Variants in OVCH1 observed in about 807,000 individuals in gnomAD.
OVCH1 encodes ovochymase-1.
In OVCH1, 139 loss-of-function variants were observed where a neutral mutation model predicts 138.4. The observed-to-expected ratio is 1.00, with a 90% CI of 0.87 to 1.16. The LOEUF is 1.16. OVCH1 is among the 50% of genes most tolerant of loss of function. The probability of loss-of-function intolerance (pLI) is 0.00; values close to 1 mark genes in which losing one functional copy is unlikely to be tolerated. For synonymous variants in OVCH1, 453 were observed against 467.8 expected, an observed-to-expected ratio of 0.97 and a Z score of 0.41; for missense variants, 1,367 against 1,357.9, an observed-to-expected ratio of 1.01 and a Z score of -0.11.
At position 29,460,516 on chromosome 12, in the gene OVCH1, C is replaced by T. The variant is rs1009128889; in HGVS notation, c.2280+1338G>A. On this transcript the variant is annotated intron_variant, in intron 19 of 27. Coordinates refer to ENST00000318184, the Ensembl canonical transcript of OVCH1. ...CTGGGGTCTTCCCCACTCTCCACTA[C>T]ACCCAGGAGGCAACCCTAAAGTATC... Among the ~76,000 whole-genome samples, 5 of 152,152 alleles carry T rather than the reference C, an allele frequency of 3.3e-5. No homozygotes were observed. The East Asian group carries it at 9.6e-4, about 29-fold the overall frequency.
At chr12:29,462,129 G>A in intron 18 of OVCH1, 121 bp from the exon 19 acceptor site, 1 of 1,084,588 alleles carries the variant, frequency 9.2e-7, no homozygotes, top group South Asian at 1.8e-5. Flanking sequence ...AGTTTGGCCT[G>A]AGCTGATGTA....
At chr12:29,443,609 A>T (rs181424051) in intron 24 of OVCH1, 109 bp from the exon 25 acceptor site, 1 of 1,095,210 alleles carries the variant, frequency 9.1e-7, no homozygotes, top group African/African-American at 1.6e-5. Flanking sequence ...AGTGAGCCTT[A>T]TTTTTTGTGT....
At chr12:29,471,906 G>A (rs1942523184) in exon 16 of OVCH1, 10 of 1,613,442 alleles carry the variant, frequency 6.2e-6, no homozygotes, top group Non-Finnish European at 8.5e-6. Flanking sequence ...ATGGCCAACA[G>A]TGGGGGCAGG....
Position 29,484,710 on chromosome 12 carries a change from T to C in OVCH1, c.995+1536A>G, listed in dbSNP as rs1943039430. Among the ~76,000 whole-genome samples the C allele has an allele frequency of 6.6e-6, 1 of 152,126 alleles. No homozygotes were observed. The highest frequency in any genetic ancestry group is 2.4e-5 in the African/African-American group (1 of 41,398). On this transcript the variant is annotated intron_variant, in intron 8 of 27. Transcript: ENST00000318184. ...AGAAATCATTCCTATGTAGTATACATACCAATTATGAGAATAGTAGTCTCC... is the reference window on the plus strand; with the variant it reads ...AGAAATCATTCCTATGTAGTATACACACCAATTATGAGAATAGTAGTCTCC...
intron 16 of OVCH1, 90 bp from the exon 17 acceptor site, chr12:29,465,309 A>T: frequency 1.8e-6 from 2 of 1,087,182 alleles, no homozygotes; most frequent in Non-Finnish European, 2.6e-6. Context: ...TGAGACTATA[A>T]AGTCTTTCTG....
chr12:29,478,868 C>G (rs756843955), exon 9 of OVCH1: 2 of 1,594,096 alleles, frequency 1.3e-6, no homozygotes, highest in Admixed American at 3.5e-5. Context: ...CGTAAAGATA[C>G]ATAGTCATGA....
chr12:29,496,182 C>T (rs1449851025), exon 3 of OVCH1: 3 of 1,601,984 alleles, frequency 1.9e-6, no homozygotes, highest in African/African-American at 2.7e-5. Context: ...ACAACTTACT[C>T]ACTGAGGCTG....
At chr12:29,490,361 T>G (rs1380051678) in intron 5 of OVCH1, among the ~76,000 whole-genome samples, 1 of 152,188 alleles carries the variant, frequency 6.6e-6, no homozygotes, top group East Asian at 1.9e-4. Flanking sequence ...ATTACAGGCG[T>G]GAGCCACTGC....
intron 3 of OVCH1, among the ~76,000 whole-genome samples, chr12:29,416,222 G>A (rs2135877678): frequency 6.6e-6 from 1 of 152,028 alleles, no homozygotes; most frequent in Admixed American, 6.5e-5. Context: ...AGAACTTTTA[G>A]GAAGAGCAAA....
chr12:29,442,665 G>C (rs1941518572), intron 25 of OVCH1, among the ~76,000 whole-genome samples: 1 of 151,340 alleles, frequency 6.6e-6, no homozygotes, highest in Non-Finnish European at 1.5e-5. Context: ...TTTTATGATG[G>C]GGAAACTTCT....
chr12:29,473,033 C>A, exon 15 of OVCH1: 1 of 1,608,034 alleles, frequency 6.2e-7, no homozygotes. Context: ...ACTCACCATG[C>A]AGAATAGCTT....
At chr12:29,494,599 A>C (rs1943360624) in intron 4 of OVCH1, among the ~76,000 whole-genome samples, 1 of 152,236 alleles carries the variant, frequency 6.6e-6, no homozygotes, top group South Asian at 2.1e-4. Flanking sequence ...TGAATGAAGA[A>C]AATGTAGTAT....
intron 18 of OVCH1, among the ~76,000 whole-genome samples, chr12:29,462,487 C>T (rs1483105348): frequency 6.7e-6 from 1 of 150,310 alleles, no homozygotes; most frequent in East Asian, 1.9e-4. Context: ...GTCATTGAAG[C>T]CTAATCGCAT....
chr12:29,412,033 T>A (rs1308559408), downstream of OVCH1, among the ~76,000 whole-genome samples: 1 of 152,042 alleles, frequency 6.6e-6, no homozygotes, highest in African/African-American at 2.4e-5. Flanking sequence ...CCCCAGCCTC[T>A]CTGCCGCCTT....
downstream of OVCH1, among the ~76,000 whole-genome samples, chr12:29,407,948 G>C (rs1940905023): frequency 1.4e-5 from 2 of 147,634 alleles, 1 homozygote; most frequent in South Asian, 4.5e-4. Context: ...AGCATGGAAT[G>C]TTCTTCCATT....
intron 13 of OVCH1, 104 bp downstream of exon 13, chr12:29,476,102 T>C (rs1472737321): frequency 7.7e-6 from 7 of 907,896 alleles, no homozygotes; most frequent in Non-Finnish European, 1.3e-5. Flanking sequence ...AAGCAAGAAA[T>C]TCACATTCCC....
intron 19 of OVCH1, among the ~76,000 whole-genome samples, chr12:29,459,104 AC>A (rs1396611611): frequency 6.6e-6 from 1 of 152,148 alleles, no homozygotes; most frequent in African/African-American, 2.4e-5. Flanking sequence ...TAATACAAAT[AC>A]CATTGATCTA....
At chr12:29,469,234 G>A (rs953055123) in intron 16 of OVCH1, among the ~76,000 whole-genome samples, 2 of 152,136 alleles carry the variant, frequency 1.3e-5, no homozygotes, top group Non-Finnish European at 2.9e-5. Context: ...GATAAGTCAT[G>A]TTGACTGTAT....
At position 29,459,687 on chromosome 12, in the gene OVCH1, A is replaced by G. The variant is rs1032326857; in HGVS notation, c.2280+2167T>C. Among the ~76,000 whole-genome samples the G allele has an allele frequency of 7.2e-5, 11 of 152,128 alleles. No homozygotes were observed. In the South Asian group the frequency reaches 1.0e-3, roughly 14 times the overall value. ...ATGCTTGAAGTGATGTGTATACCCA[A>G]TTTACCCTGATGTGATTATTCCTTG... On this transcript the variant is annotated intron_variant, in intron 19 of 27. Coordinates refer to ENST00000318184, the Ensembl canonical transcript of OVCH1.
Sources: gnomAD v4.1 joint callset for allele counts (sites outside exome capture counted in the v4.1 genomes callset) on GRCh38, gnomAD v4.1.1 for gene constraint, MANE v1.5 for transcripts, NCBI Gene and HGNC (gene_info 2026-07-23, HGNC 2026-07-21) for gene names.